Variants in PI4KA observed in about 807,000 individuals in gnomAD.
PI4KA encodes the protein phosphatidylinositol 4-kinase alpha, also known as PI4-kinase alpha.
PI4KA carries 122 observed loss-of-function variants against 271.4 expected under a neutral mutation model. The ratio of observed to expected loss-of-function variants is 0.45; its 90% CI spans 0.39 to 0.52. The LOEUF is 0.52. PI4KA is among the 20% of genes least tolerant of loss of function. The pLI, the probability that PI4KA is intolerant of heterozygous loss-of-function variation, is 0.00. For synonymous variants in PI4KA, 1,041 were observed against 1,078.8 expected (o/e 0.96, Z 0.69); for missense variants, 1,969 against 2,769.1 (o/e 0.71, Z 6.48).
chr22:20,787,093 C>T, intron 19 of PI4KA: 1 of 1,593,540 alleles, frequency 6.3e-7, no homozygotes, highest in Non-Finnish European at 8.6e-7. Flanking sequence ...GTCTGAAGTG[C>T]CTTGGGGGCA....
At chr22:20,848,845 C>G (rs1416634041) in intron 1 of PI4KA, among the ~76,000 whole-genome samples, 1 of 149,738 alleles carries the variant, frequency 6.7e-6, no homozygotes, top group Non-Finnish European at 1.5e-5. Context: ...AAATGGACAT[C>G]ATCAAAATTT....
intron 30 of PI4KA, among the ~76,000 whole-genome samples, chr22:20,743,971 G>A (rs899543723): frequency 2.6e-5 from 4 of 152,102 alleles, no homozygotes; most frequent in African/African-American, 4.8e-5. Flanking sequence ...GGAGAATGGC[G>A]TGAACCCAGG....
At chr22:20,790,093 T>C (rs916949431) in intron 19 of PI4KA, among the ~76,000 whole-genome samples, 6 of 152,216 alleles carry the variant, frequency 3.9e-5, no homozygotes, top group Non-Finnish European at 8.8e-5. Flanking sequence ...CTGAAGTAAT[T>C]TAATCAATGA....
At chr22:20,755,250 G>A (rs1395932105) in intron 23 of PI4KA, among the ~76,000 whole-genome samples, 1 of 151,904 alleles carries the variant, frequency 6.6e-6, no homozygotes. Context: ...TTCCAGCTTT[G>A]GCCACTCGGA....
At chr22:20,838,013 C>G (rs553008614) in intron 2 of PI4KA, among the ~76,000 whole-genome samples, 7 of 151,600 alleles carry the variant, frequency 4.6e-5, no homozygotes, top group African/African-American at 1.7e-4. Flanking sequence ...CCCAGCTACT[C>G]AGGAGGCTGA....
At chr22:20,805,539 A>G (rs574330715) in intron 10 of PI4KA, among the ~76,000 whole-genome samples, 1 of 152,308 alleles carries the variant, frequency 6.6e-6, no homozygotes, top group African/African-American at 2.4e-5. Flanking sequence ...CTTTTAAGAA[A>G]GAGGTTGTCA....
chr22:20,784,217 G>A (rs376828409), intron 19 of PI4KA: 7 of 1,613,998 alleles, frequency 4.3e-6, no homozygotes, highest in Middle Eastern at 3.3e-4. Context: ...CCGGGTGGTG[G>A]AGAGATGGCA....
At position 20,742,631 on chromosome 22, in the gene PI4KA, G is replaced by A; in HGVS notation, c.3590C>T (p.Thr1197Ile). ...ACCTTTACTGCTAATGAGCATTGCG[G>A]TCAGCTTGAACATGGCCTGCGTGTA... ...QHYTQAMFKL[T>I]AMLISSKDCD... The change falls in exon 31 of 55, where the codon ACC becomes ATC. Residue 1197 changes from threonine (T) to isoleucine (I), a missense_variant. This residue lies in a region of PI4KA where 203 missense variants were observed against 256.8 expected (regional missense o/e 0.79). Transcript: ENST00000255882. The A allele has an allele frequency of 1.2e-6, 2 of 1,614,190 alleles. No individual in the cohort carries two copies. The highest frequency in any genetic ancestry group is 1.7e-6 in the Non-Finnish European group (2 of 1,180,020).
At position 20,729,444 on chromosome 22, in the gene PI4KA, TAGTTCC is replaced by T; in HGVS notation, c.4545_4550del (p.Glu1516_Leu1517del). 6.2e-7 allele frequency: 1 copy of T among 1,612,388 alleles called. No homozygotes were observed. The highest frequency in any genetic ancestry group is 8.5e-7 in the Non-Finnish European group (1 of 1,179,132). ...CCACGCTGTTCTCTCCGGCCTGGTC[TAGTTCC>T]AGTTCCGGGGCTGACAGCGGGTTGT... On this transcript the variant is annotated inframe_deletion, in exon 39 of 55. Coordinates refer to ENST00000255882, the MANE Select transcript of PI4KA (RefSeq NM_058004.4).
chr22:20,719,157 G>A (rs545165303), intron 43 of PI4KA, among the ~76,000 whole-genome samples: 198 of 152,112 alleles, frequency 1.3e-3, no homozygotes, highest in African/African-American at 4.5e-3. Flanking sequence ...TGCTGCACAC[G>A]CAGGGAGAAA....
rs60495887 is a variant in PI4KA, at chr22:20,849,214, T to C, written c.156+9356A>G. ...ACAATACAGAGTGTTGGTGACAATG[T>C]AAAGAAAACAAGCCCTCTGTACACC... On this transcript the variant is annotated intron_variant, in intron 1 of 54. Coordinates refer to ENST00000255882, the MANE Select transcript of PI4KA (RefSeq NM_058004.4). 2.9e-3 allele frequency among the ~76,000 whole-genome samples: 447 copies of C among 152,298 alleles called. 1 individual carries two copies. The highest frequency in any genetic ancestry group is 0.01 in the African/African-American group (421 of 41,570).
rs559612031 is a variant in PI4KA at position 20,825,956 on chromosome 22, C to T, written c.368-1542G>A. ...TTCATATGTACTCGAAGTTTAGCTC[C>T]CACTTACAAGTGAGAACATGCAGCG... is the stretch of plus-strand genomic sequence containing the variant. On this transcript the variant is annotated intron_variant, in intron 3 of 54. Transcript: ENST00000255882. 2.0e-5 allele frequency among the ~76,000 whole-genome samples: 3 copies of T among 152,262 alleles called. No individual in the cohort carries two copies. In the East Asian group the frequency reaches 5.8e-4, roughly 29 times the overall value.
chr22:20,721,185 G>A (rs1047104373), intron 43 of PI4KA, 113 bp downstream of exon 43: 4 of 1,075,644 alleles, frequency 3.7e-6, no homozygotes, highest in Non-Finnish European at 5.7e-6. Context: ...TGGGAGTGGA[G>A]GGGTCGGTGA....
chr22:20,838,304 C>A (rs1343974652), intron 2 of PI4KA, among the ~76,000 whole-genome samples: 2 of 152,134 alleles, frequency 1.3e-5, no homozygotes, highest in South Asian at 2.1e-4. Flanking sequence ...ACCAAACCTA[C>A]CCTGGAAGGC....
At chr22:20,732,875 C>T in intron 36 of PI4KA, 96 bp downstream of exon 36, 1 of 1,470,472 alleles carries the variant, frequency 6.8e-7, no homozygotes, top group South Asian at 1.2e-5. Flanking sequence ...GGTCTAACTG[C>T]TTTTCCGTCC....
At chr22:20,717,123 G>A (rs1926097237) in intron 45 of PI4KA, among the ~76,000 whole-genome samples, 2 of 152,166 alleles carry the variant, frequency 1.3e-5, no homozygotes, top group African/African-American at 4.8e-5. Flanking sequence ...GCGGGTGCCT[G>A]CAGTCCCAGC....
At chr22:20,721,262 CA>C in intron 43 of PI4KA, 35 bp downstream of exon 43, 1 of 1,612,092 alleles carries the variant, frequency 6.2e-7, no homozygotes, top group Non-Finnish European at 8.5e-7. Flanking sequence ...GCACTGAAGA[CA>C]GTAAGTGAGG....
chr22:20,741,264 A>G (rs919974241), intron 32 of PI4KA, among the ~76,000 whole-genome samples: 3 of 152,172 alleles, frequency 2.0e-5, no homozygotes, highest in African/African-American at 7.2e-5. Context: ...TCCAGTTGTC[A>G]TTTACTGACA....
At chr22:20,812,992 G>A (rs1364179755) in intron 8 of PI4KA, among the ~76,000 whole-genome samples, 1 of 152,100 alleles carries the variant, frequency 6.6e-6, no homozygotes, top group South Asian at 2.1e-4. Flanking sequence ...AACCCAAATA[G>A]AGCCACCCCT....
Sources: allele counts gnomAD v4.1 joint callset (sites outside exome capture counted in the v4.1 genomes callset), GRCh38; gene constraint gnomAD v4.1.1; regional missense constraint gnomAD v4.1.1; transcripts MANE v1.5; gene names NCBI Gene and HGNC (gene_info 2026-07-23, HGNC 2026-07-21).